PELI1: variants seen among roughly 807,000 people sequenced by gnomAD.
PELI1 encodes pellino E3 ubiquitin protein ligase 1.
In PELI1, 15 loss-of-function variants were observed where a neutral mutation model predicts 41.3. The ratio of observed to expected loss-of-function variants is 0.36; its 90% CI spans 0.24 to 0.56. The LOEUF is 0.56. Among genes scored for constraint, PELI1 ranks in the 20% least tolerant of loss-of-function variants. PELI1 has a pLI of 0.82. For missense variants in PELI1, 403 were observed against 525.5 expected, an observed-to-expected ratio of 0.77 and a Z score of 2.28; for synonymous variants, 178 against 180.1, an observed-to-expected ratio of 0.99 and a Z score of 0.09.
intron 1 of PELI1, among the ~76,000 whole-genome samples, chr2:64,133,766 T>A (rs904145939): frequency 6.6e-6 from 1 of 152,052 alleles, no homozygotes; most frequent in Non-Finnish European, 1.5e-5. Flanking sequence ...ATCCTTTTCA[T>A]GTAATAGATA....
In PELI1 at chr2:64,094,795, A is replaced by G. The variant is rs1576064548; in HGVS notation, c.1164T>C (p.Thr388=). 1.9e-6 allele frequency: 3 copies of G among 1,614,186 alleles called. No homozygotes were observed. In the East Asian group the frequency reaches 6.7e-5, roughly 36 times the overall value. The change falls in exon 7 of 7, where the codon ACT becomes ACC. Residue 388 remains threonine, a synonymous_variant. Coordinates refer to ENST00000358912, the MANE Select transcript of PELI1 (RefSeq NM_020651.4). ...YWSQIPLPHG[T]HTFHAACPFC... ...AGGGACAGGCTGCATGAAAAGTATG[A>G]GTACCATGAGGAAGTGGGATCTGGG... is the stretch of plus-strand genomic sequence containing the variant.
intron 4 of PELI1, among the ~76,000 whole-genome samples, chr2:64,098,207 T>C (rs2103665562): frequency 6.6e-6 from 1 of 152,334 alleles, no homozygotes; most frequent in East Asian, 1.9e-4. Context: ...CAAAATATGA[T>C]TGTTAATAAT....
intron 4 of PELI1, 104 bp from the exon 5 acceptor site, chr2:64,096,714 C>G: frequency 2.7e-6 from 2 of 732,594 alleles, no homozygotes; most frequent in East Asian, 5.4e-5. Flanking sequence ...TCTGAAATTT[C>G]TAAAGTTGAA....
At chr2:64,121,810 C>G (rs1474610884) in intron 1 of PELI1, among the ~76,000 whole-genome samples, 1 of 150,614 alleles carries the variant, frequency 6.6e-6, no homozygotes, top group East Asian at 2.0e-4. Flanking sequence ...GAGGCTGAGG[C>G]AGGAGAATAG....
intron 1 of PELI1, among the ~76,000 whole-genome samples, chr2:64,134,240 C>T (rs887583321): frequency 2.6e-5 from 4 of 152,124 alleles, no homozygotes; most frequent in Admixed American, 2.6e-4. Flanking sequence ...TAAATCAACA[C>T]GTTATTTCTA....
At chr2:64,125,499 T>C (rs994615434) in intron 1 of PELI1, among the ~76,000 whole-genome samples, 1 of 152,162 alleles carries the variant, frequency 6.6e-6, no homozygotes, top group Non-Finnish European at 1.5e-5. Context: ...CATAGCTCAA[T>C]ATAATCCCAT....
At chr2:64,119,532 A>C (rs924176002) in intron 1 of PELI1, among the ~76,000 whole-genome samples, 1 of 152,216 alleles carries the variant, frequency 6.6e-6, no homozygotes, top group African/African-American at 2.4e-5. Context: ...AGCACCTCGT[A>C]ACGTGTGTAG....
intron 1 of PELI1, among the ~76,000 whole-genome samples, chr2:64,113,535 T>G (rs1680893018): frequency 6.6e-6 from 1 of 152,122 alleles, no homozygotes; most frequent in Non-Finnish European, 1.5e-5. Context: ...CTAATAAAAC[T>G]GTCTTCTATT....
At chr2:64,125,759 G>C (rs1681362523) in intron 1 of PELI1, among the ~76,000 whole-genome samples, 1 of 152,194 alleles carries the variant, frequency 6.6e-6, no homozygotes. Context: ...GATTAGTACA[G>C]GTTGAACAAC....
In PELI1 at chr2:64,119,898, T is replaced by TA. The variant is rs199552817; in HGVS notation, c.-69-11520dup. On this transcript the variant is annotated intron_variant, in intron 1 of 6. Coordinates refer to ENST00000358912, the MANE Select transcript of PELI1 (RefSeq NM_020651.4). ...TCAATCTGTTAAGCAACACTCCATT[T>TA]AAAAAAAACACAAAAATCAATACAA... Among the ~76,000 whole-genome samples the TA allele has an allele frequency of 3.3e-4, 50 of 151,864 alleles. 1 individual carries two copies. Among genetic ancestry groups the TA allele is most frequent in the Non-Finnish European group, 1.2e-4 (8 of 67,944 alleles).
chr2:64,113,100 A>G (rs1334562287), intron 1 of PELI1, among the ~76,000 whole-genome samples: 1 of 151,976 alleles, frequency 6.6e-6, no homozygotes, highest in African/African-American at 2.4e-5. Context: ...CAACATAGTA[A>G]GACTCCCGTC....
chr2:64,103,529 T>C (rs1310712544), intron 3 of PELI1, among the ~76,000 whole-genome samples: 2 of 152,132 alleles, frequency 1.3e-5, no homozygotes, highest in Non-Finnish European at 2.9e-5. Flanking sequence ...TCAGATTCAA[T>C]CAATCTGAGG....
At chr2:64,116,702 GAGTTTTAA>G (rs1025004697) in intron 1 of PELI1, among the ~76,000 whole-genome samples, 2 of 152,158 alleles carry the variant, frequency 1.3e-5, no homozygotes, top group Admixed American at 6.5e-5. Context: ...TGAAACAATT[GAGTTTTAA>G]AGTTTTAAAG....
At chr2:64,114,640 T>A (rs1283544486) in intron 1 of PELI1, among the ~76,000 whole-genome samples, 2 of 152,214 alleles carry the variant, frequency 1.3e-5, no homozygotes, top group East Asian at 1.9e-4. Context: ...GGAGTTAACA[T>A]CTTTCCTAGG....
chr2:64,131,297 G>C (rs186897091), intron 1 of PELI1, among the ~76,000 whole-genome samples: 1 of 151,626 alleles, frequency 6.6e-6, no homozygotes, highest in African/African-American at 2.4e-5. Context: ...AAAAGTTCTA[G>C]CAATTCATAT....
Position 64,111,351 on chromosome 2 carries a change from C to G in PELI1, c.-69-2972G>C, listed in dbSNP as rs184727664. On this transcript the variant is annotated intron_variant, in intron 1 of 6. Coordinates refer to ENST00000358912, the MANE Select transcript of PELI1 (RefSeq NM_020651.4). Reference sequence around the variant, plus strand: ...ATGAATAAAACAAATCATTCTGACCCCTACTAATCCCTTGGAAGTGACATA... The same window carrying G: ...ATGAATAAAACAAATCATTCTGACCGCTACTAATCCCTTGGAAGTGACATA... Among the ~76,000 whole-genome samples the G allele has an allele frequency of 5.6e-4, 85 of 152,208 alleles. 1 individual carries two copies. In the East Asian group the frequency reaches 0.014, roughly 25 times the overall value.
chr2:64,130,076 T>C (rs571257630), intron 1 of PELI1, among the ~76,000 whole-genome samples: 2 of 152,240 alleles, frequency 1.3e-5, no homozygotes, highest in Non-Finnish European at 2.9e-5. Flanking sequence ...TTTTGAGATT[T>C]TGAATCATGT....
At chr2:64,132,623 A>C (rs532876829) in intron 1 of PELI1, among the ~76,000 whole-genome samples, 1 of 152,352 alleles carries the variant, frequency 6.6e-6, no homozygotes, top group Non-Finnish European at 1.5e-5. Context: ...AGGGAAAAAC[A>C]ACAAAATTAA....
intron 1 of PELI1, among the ~76,000 whole-genome samples, chr2:64,119,974 T>C (rs1310335574): frequency 6.6e-6 from 1 of 152,212 alleles, no homozygotes; most frequent in Non-Finnish European, 1.5e-5. Flanking sequence ...GAAACTGATT[T>C]TTGTGGTCTG....
Sources: gnomAD v4.1 joint callset for allele counts (sites outside exome capture counted in the v4.1 genomes callset) on GRCh38, gnomAD v4.1.1 for gene constraint, MANE v1.5 for transcripts, NCBI Gene and HGNC (gene_info 2026-07-23, HGNC 2026-07-21) for gene names.